The following SCIN variants were observed in gnomAD, a reference collection of about 807,000 sequenced individuals.
The protein encoded by SCIN is scinderin, also known as adseverin.
Under a neutral mutation model 91.8 loss-of-function variants are expected in SCIN, and 91 were observed. The observed-to-expected ratio is 0.99, with a 90% CI of 0.84 to 1.18. The LOEUF is 1.18. SCIN is among the 50% of genes most tolerant of loss of function. SCIN has a pLI of 0.00. For synonymous variants in SCIN, 367 were observed against 312.6 expected (o/e 1.17, Z -1.84); for missense variants, 1,087 against 863.9 (o/e 1.26, Z -3.24).
chr7:12,628,163 T>G (rs1783569772), intron 8 of SCIN, among the ~76,000 whole-genome samples: 1 of 152,082 alleles, frequency 6.6e-6, no homozygotes, highest in African/African-American at 2.4e-5. Context: ...TTGGAGGGTG[T>G]TTAATCTGTG....
chr7:12,615,912 A>T (rs1783289263), intron 4 of SCIN, among the ~76,000 whole-genome samples: 1 of 152,168 alleles, frequency 6.6e-6, no homozygotes, highest in African/African-American at 2.4e-5. Context: ...ATTAAAAGTT[A>T]TATATAAATC....
chr7:12,625,769 T>C lies in SCIN; in HGVS notation c.900T>C (p.Asp300=), dbSNP rs1783507447. The C allele has an allele frequency of 1.9e-6, 3 of 1,607,464 alleles. No homozygotes were observed. In the African/African-American group the frequency reaches 4.0e-5, roughly 22 times the overall value. ...AKQIFVWKGK[D]ANPQERKAAM... Reference sequence around the variant, plus strand: ...ATTTACCTTGTATTTTAGGTAAAGATGCTAATCCCCAAGAGAGGAAGGCTG... The same window carrying C: ...ATTTACCTTGTATTTTAGGTAAAGACGCTAATCCCCAAGAGAGGAAGGCTG... The change falls in exon 7 of 16, where the codon GAT becomes GAC. Residue 300 remains aspartate (D), a synonymous_variant. Transcript: ENST00000297029.
rs1312889458 is a variant in SCIN at position 12,657,605 on chromosome 7, G to A, written c.*4890G>A. 3 of 41,492 alleles carry A rather than the reference G, an allele frequency of 7.2e-5. No homozygotes were observed. The highest frequency in any genetic ancestry group is 3.5e-4 in the Admixed American group (1 of 2,828). 2.6% of individuals were successfully genotyped at this position (41,492 alleles called of 1,614,324 possible). A position where few individuals can be genotyped will look rare whatever the true frequency, so the allele number is the denominator to read the frequency against. ...TTTTTTTTTTTTTTTTTTTGCATTG[G>A]CAAAAAAACAAAGATATTGTTTAGC... is the stretch of plus-strand genomic sequence containing the variant. On this transcript the variant is annotated 3_prime_UTR_variant, in exon 16 of 16. Coordinates refer to ENST00000297029, the MANE Select transcript of SCIN (RefSeq NM_001112706.3).
At position 12,658,344 on chromosome 7, in the gene SCIN, C is replaced by T. The variant is rs1784206921; in HGVS notation, c.*5629C>T. The T allele has an allele frequency of 6.6e-6, 1 of 152,162 alleles. No homozygotes were observed. Among genetic ancestry groups the T allele is most frequent in the Admixed American group, 6.6e-5 (1 of 15,264 alleles). The allele number at this position is 152,162 out of a possible 1,614,324, so 9.4% of individuals were successfully genotyped here. A position where few individuals can be genotyped will look rare whatever the true frequency, so the allele number is the denominator to read the frequency against. On this transcript the variant is annotated 3_prime_UTR_variant, in exon 16 of 16. Coordinates refer to ENST00000297029, the MANE Select transcript of SCIN (RefSeq NM_001112706.3). ...GAGAATGATAGAGCAGGGCCCTTAA[C>T]TCCTTAGAAAGGTCAAAGGAAGAGG...
intron 5 of SCIN, among the ~76,000 whole-genome samples, chr7:12,623,966 G>T (rs1583306104): frequency 6.6e-6 from 1 of 152,086 alleles, no homozygotes; most frequent in African/African-American, 2.4e-5. Flanking sequence ...ATTTTCAACA[G>T]CCTAACAGAT....
chr7:12,587,169 C>T (rs1055601005), intron 3 of SCIN, among the ~76,000 whole-genome samples: 6 of 152,122 alleles, frequency 3.9e-5, no homozygotes, highest in Admixed American at 6.5e-5. Flanking sequence ...ACACTTTATA[C>T]TTGTATCAAA....
chr7:12,598,275 C>G (rs1001101701), intron 3 of SCIN, among the ~76,000 whole-genome samples: 2 of 152,000 alleles, frequency 1.3e-5, no homozygotes, highest in Non-Finnish European at 2.9e-5. Flanking sequence ...CTGGTGGAAA[C>G]AGAGTAAGGT....
At chr7:12,571,732 C>G (rs1340206019) in intron 1 of SCIN, 1 of 249,462 alleles carries the variant, frequency 4.0e-6, no homozygotes, top group Non-Finnish European at 8.2e-6. Context: ...TTTATTTTAG[C>G]AAGGACACAA....
intron 4 of SCIN, among the ~76,000 whole-genome samples, chr7:12,609,443 T>C (rs902738492): frequency 6.6e-5 from 10 of 152,296 alleles, no homozygotes; most frequent in African/African-American, 2.2e-4. Flanking sequence ...ATTAAATATT[T>C]CACTAGCCCT....
chr7:12,594,990 C>T (rs908028329), intron 3 of SCIN, among the ~76,000 whole-genome samples: 1 of 151,990 alleles, frequency 6.6e-6, no homozygotes, highest in East Asian at 1.9e-4. Flanking sequence ...TCCTTAGGGT[C>T]TTTAGCAGGT....
chr7:12,599,914 T>C (rs1782923629), intron 3 of SCIN, among the ~76,000 whole-genome samples: 1 of 152,192 alleles, frequency 6.6e-6, no homozygotes, highest in African/African-American at 2.4e-5. Context: ...TTGATATTAG[T>C]CCTTTGTCAA....
At position 12,584,239 on chromosome 7, in the gene SCIN, A is replaced by G. The variant is rs910333024; in HGVS notation, c.516+3018A>G. 3.3e-5 allele frequency among the ~76,000 whole-genome samples: 5 copies of G among 152,230 alleles called. No homozygotes were observed. In the South Asian group the frequency reaches 6.2e-4, roughly 19 times the overall value. On this transcript the variant is annotated intron_variant, in intron 3 of 15. Coordinates refer to ENST00000297029, the MANE Select transcript of SCIN (RefSeq NM_001112706.3). ...ATATTTTAATAGTAGTAATTGCGCT[A>G]GTTATCCAAAGACAACCTTCTGCAT...
At chr7:12,642,085 C>A (rs961681539) in intron 11 of SCIN, among the ~76,000 whole-genome samples, 1 of 151,104 alleles carries the variant, frequency 6.6e-6, no homozygotes, top group Admixed American at 6.6e-5. Flanking sequence ...TATATATATA[C>A]TATTATCCAT....
chr7:12,634,427 G>C lies in SCIN; in HGVS notation c.1320-1618G>C, dbSNP rs371267848. On this transcript the variant is annotated intron_variant, in intron 9 of 15. Transcript: ENST00000297029. ...TTGAACCCAGGAGGCGGAGACTGTG[G>C]TGAGCCTAGATCACGCCATTGCACT... Among the ~76,000 whole-genome samples the C allele has an allele frequency of 3.3e-5, 5 of 152,004 alleles. No homozygotes were observed. The East Asian group carries it at 9.7e-4, about 30-fold the overall frequency.
intron 1 of SCIN, among the ~76,000 whole-genome samples, chr7:12,576,942 G>T (rs936721263): frequency 2.0e-5 from 3 of 152,114 alleles, no homozygotes; most frequent in Non-Finnish European, 4.4e-5. Context: ...ATTACAGCTT[G>T]GATGTAGTAA....
intron 1 of SCIN, among the ~76,000 whole-genome samples, chr7:12,575,126 G>A (rs1782342789): frequency 6.6e-6 from 1 of 151,914 alleles, no homozygotes; most frequent in Non-Finnish European, 1.5e-5. Context: ...TTTAATTTCA[G>A]TTTCAGCATG....
chr7:12,653,454 C>A lies in SCIN; in HGVS notation c.*739C>A, dbSNP rs1226542730. 3.9e-5 allele frequency: 6 copies of A among 152,154 alleles called. No individual in the cohort carries two copies. The highest frequency in any genetic ancestry group is 3.3e-4 in the Admixed American group (5 of 15,276). The allele number at this position is 152,154 out of a possible 1,614,324, so 9.4% of individuals were successfully genotyped here. On this transcript the variant is annotated 3_prime_UTR_variant, in exon 16 of 16. Transcript: ENST00000297029. This position sits in a 1 kb window ranked among gnomAD's most constrained non-coding sequence, Gnocchi z 4.1. Reference sequence around the variant, plus strand: ...TGTGTTCAAAAGATGTGTATACTTGCAATAAGGTTTATGTTAAGGTGGCTT... The same window carrying A: ...TGTGTTCAAAAGATGTGTATACTTGAAATAAGGTTTATGTTAAGGTGGCTT...
intron 3 of SCIN, among the ~76,000 whole-genome samples, chr7:12,596,976 C>T (rs1782856387): frequency 6.6e-6 from 1 of 152,182 alleles, no homozygotes; most frequent in Non-Finnish European, 1.5e-5. Flanking sequence ...GTAGTTGCTT[C>T]CTTTCTGGTC....
chr7:12,584,009 C>T (rs993484338), intron 3 of SCIN, among the ~76,000 whole-genome samples: 1 of 152,098 alleles, frequency 6.6e-6, no homozygotes, highest in African/African-American at 2.4e-5. Context: ...AAAAGGGATA[C>T]CCTGGTGAGA....
Sources: gnomAD v4.1 joint callset for allele counts (sites outside exome capture counted in the v4.1 genomes callset) on GRCh38, gnomAD v4.1.1 for gene constraint, Gnocchi (gnomAD v3.1) non-coding constraint, MANE v1.5 for transcripts, NCBI Gene and HGNC (gene_info 2026-07-23, HGNC 2026-07-21) for gene names.